Variants in MECOM observed in about 807,000 individuals in gnomAD.
MECOM encodes the protein MDS1 and EVI1 complex locus.
In MECOM, 13 loss-of-function variants were observed where a neutral mutation model predicts 116.3. That is an observed-to-expected ratio of 0.11 (90% confidence interval 0.07 to 0.18). The LOEUF (loss-of-function observed/expected upper bound fraction) is 0.18. MECOM is among the 10% of genes least tolerant of loss of function. MECOM has a pLI of 1.00. For missense variants in MECOM, 1,299 were observed against 1,509.0 expected, an observed-to-expected ratio of 0.86 and a Z score of 2.31; for synonymous variants, 528 against 535.2, an observed-to-expected ratio of 0.99 and a Z score of 0.19.
intron 1 of MECOM, among the ~76,000 whole-genome samples, chr3:169,427,623 A>G (rs887384279): frequency 6.6e-6 from 1 of 152,228 alleles, no homozygotes; most frequent in South Asian, 2.1e-4. Context: ...AGTTATGTCC[A>G]GGTCTAAGTT....
At chr3:169,498,882 T>C (rs192041019) in intron 1 of MECOM, among the ~76,000 whole-genome samples, 2 of 152,094 alleles carry the variant, frequency 1.3e-5, no homozygotes, top group Admixed American at 1.3e-4. Context: ...AGTAGGGCTA[T>C]AGAAAAAACA....
At chr3:169,381,792 T>C (rs2108280078) in intron 1 of MECOM, among the ~76,000 whole-genome samples, 1 of 152,284 alleles carries the variant, frequency 6.6e-6, no homozygotes, top group African/African-American at 2.4e-5. Context: ...TCATTATCCA[T>C]CTGGGAAACA....
chr3:169,356,472 ACTGT>A (rs1424086676), intron 2 of MECOM, among the ~76,000 whole-genome samples: 3 of 151,852 alleles, frequency 2.0e-5, no homozygotes, highest in African/African-American at 4.8e-5. Context: ...CATTTCACTG[ACTGT>A]CTGTCTGGGG....
At chr3:169,501,271 A>G (rs1754487198) in intron 1 of MECOM, among the ~76,000 whole-genome samples, 1 of 152,054 alleles carries the variant, frequency 6.6e-6, no homozygotes, top group Non-Finnish European at 1.5e-5. Context: ...AATGTAATGA[A>G]CACTAACAGA....
chr3:169,399,370 C>T (rs1298241559), intron 1 of MECOM, among the ~76,000 whole-genome samples: 15 of 152,174 alleles, frequency 9.9e-5, no homozygotes, highest in Admixed American at 9.8e-4. Flanking sequence ...AAGTCATTGC[C>T]ACCACGGGAA....
intron 1 of MECOM, among the ~76,000 whole-genome samples, chr3:169,422,917 C>A (rs944944149): frequency 1.3e-5 from 2 of 151,954 alleles, no homozygotes; most frequent in Non-Finnish European, 2.9e-5. Flanking sequence ...AGACATGGTA[C>A]AGCACAAAGA....
At chr3:169,579,170 T>G (rs1176167432) in intron 1 of MECOM, among the ~76,000 whole-genome samples, 2 of 152,206 alleles carry the variant, frequency 1.3e-5, no homozygotes, top group African/African-American at 4.8e-5. Context: ...TTAGAACAGC[T>G]GCACAGTCTT....
chr3:169,126,472 T>A (rs1193650989), intron 5 of MECOM, among the ~76,000 whole-genome samples: 1 of 152,066 alleles, frequency 6.6e-6, no homozygotes. Flanking sequence ...CACAATTATA[T>A]TAAAGGGACA....
intron 1 of MECOM, among the ~76,000 whole-genome samples, chr3:169,385,026 C>T (rs1171678689): frequency 6.6e-6 from 1 of 151,286 alleles, no homozygotes; most frequent in Non-Finnish European, 1.5e-5. Context: ...ATTGCTTGAG[C>T]CCGGGAGACA....
intron 1 of MECOM, among the ~76,000 whole-genome samples, chr3:169,394,585 G>A (rs1400402106): frequency 1.3e-5 from 2 of 152,170 alleles, no homozygotes; most frequent in Non-Finnish European, 2.9e-5. Context: ...CATATTTGCA[G>A]AGGTACGGCA....
chr3:169,431,364 C>A (rs1480592557), intron 1 of MECOM, among the ~76,000 whole-genome samples: 1 of 152,174 alleles, frequency 6.6e-6, no homozygotes, highest in African/African-American at 2.4e-5. Flanking sequence ...CGATACCTTG[C>A]ATAGATGTCC....
chr3:169,637,081 A>AAG (rs1454226555), intron 1 of MECOM, among the ~76,000 whole-genome samples: 13 of 152,270 alleles, frequency 8.5e-5, no homozygotes, highest in Non-Finnish European at 1.8e-4. Flanking sequence ...AGGTCATAAA[A>AAG]AGCCTTGCAG....
chr3:169,615,222 A>C (rs975419449), intron 1 of MECOM, among the ~76,000 whole-genome samples: 1 of 152,240 alleles, frequency 6.6e-6, no homozygotes, highest in African/African-American at 2.4e-5. Context: ...TGTACCCACC[A>C]CGTTCATGTC....
intron 1 of MECOM, among the ~76,000 whole-genome samples, chr3:169,462,464 A>G (rs368157500): frequency 3.3e-5 from 5 of 152,188 alleles, no homozygotes; most frequent in East Asian, 1.9e-4. Context: ...AAGGAGTGAG[A>G]AGTTTTGCTT....
chr3:169,659,440 A>AGTTTTTTT (rs1775965582), intron 1 of MECOM, among the ~76,000 whole-genome samples: 1 of 62,138 alleles, frequency 1.6e-5, no homozygotes, highest in African/African-American at 6.2e-5. Context: ...CTAAACACAG[A>AGTTTTTTT]TTTTTTTTTT....
chr3:169,133,807 T>C, intron 3 of MECOM: 1 of 670,064 alleles, frequency 1.5e-6, no homozygotes, highest in Non-Finnish European at 2.2e-6. Context: ...GAGTTTGCTT[T>C]TTTCCCCTAA....
chr3:169,247,368 C>T (rs559693323), intron 2 of MECOM, among the ~76,000 whole-genome samples: 5 of 151,776 alleles, frequency 3.3e-5, no homozygotes, highest in South Asian at 4.2e-4. Flanking sequence ...TGTAATGGCA[C>T]GATATCAGCT....
intron 1 of MECOM, among the ~76,000 whole-genome samples, chr3:169,647,761 C>A (rs1774366381): frequency 1.3e-5 from 2 of 152,078 alleles, no homozygotes; most frequent in South Asian, 4.1e-4. Flanking sequence ...CATATGTCAT[C>A]TTATGTTAGC....
chr3:169,390,060 C>T (rs1472224751), intron 1 of MECOM, among the ~76,000 whole-genome samples: 1 of 152,130 alleles, frequency 6.6e-6, no homozygotes, highest in Non-Finnish European at 1.5e-5. Flanking sequence ...TGGAGTTGTG[C>T]TTGCGTCAAT....
Sources: allele counts gnomAD v4.1 joint callset (sites outside exome capture counted in the v4.1 genomes callset), GRCh38; gene constraint gnomAD v4.1.1; transcripts MANE v1.5; gene names NCBI Gene and HGNC (gene_info 2026-07-23, HGNC 2026-07-21).